CDH7: variants seen among roughly 807,000 people sequenced by gnomAD.
CDH7 encodes cadherin 7, also known as cadherin-7.
In CDH7, 25 loss-of-function variants were observed where a neutral mutation model predicts 71.8. The observed-to-expected ratio is 0.35, with a 90% CI of 0.25 to 0.49. CDH7 has a LOEUF of 0.49. Among genes scored for constraint, CDH7 ranks in the 20% least tolerant of loss-of-function variants. CDH7 has a pLI of 0.99. For missense variants in CDH7, 862 were observed against 974.6 expected (o/e 0.88, Z 1.54); for synonymous variants, 381 against 363.8 (o/e 1.05, Z -0.54).
At chr18:65,826,246 A>C (rs1225873382) in intron 6 of CDH7, among the ~76,000 whole-genome samples, 2 of 151,422 alleles carry the variant, frequency 1.3e-5, no homozygotes, top group Non-Finnish European at 3.0e-5. Flanking sequence ...CTAACTTATA[A>C]CAATAGAAAA....
At chr18:65,823,849 A>C (rs962296408) in intron 5 of CDH7, among the ~76,000 whole-genome samples, 1 of 151,926 alleles carries the variant, frequency 6.6e-6, no homozygotes, top group Non-Finnish European at 1.5e-5. Flanking sequence ...GGCAGGAAAA[A>C]GTAAATAATT....
At chr18:65,806,062 TAATA>T (rs1176348247) in intron 2 of CDH7, among the ~76,000 whole-genome samples, 2 of 152,196 alleles carry the variant, frequency 1.3e-5, no homozygotes, top group African/African-American at 4.8e-5. Context: ...GATGGAACAT[TAATA>T]GATTATTCAG....
rs1476651705 is a variant in CDH7 at position 65,846,747 on chromosome 18, A to G, written c.1235+2682A>G. Among the ~76,000 whole-genome samples the G allele has an allele frequency of 2.0e-5, 3 of 152,108 alleles. No homozygotes were observed. The East Asian group carries it at 5.8e-4, about 29-fold the overall frequency. ...TTTGTGGAATGGCCTCGGAGATGTCACCTTGTCTTCTGTGTTTTTGTATTA... is the reference window on the plus strand; with the variant it reads ...TTTGTGGAATGGCCTCGGAGATGTCGCCTTGTCTTCTGTGTTTTTGTATTA... On this transcript the variant is annotated intron_variant, in intron 7 of 11. Coordinates refer to ENST00000397968, the MANE Select transcript of CDH7 (RefSeq NM_004361.5).
At chr18:65,845,145 T>A (rs912407459) in intron 7 of CDH7, among the ~76,000 whole-genome samples, 4 of 149,404 alleles carry the variant, frequency 2.7e-5, no homozygotes, top group Non-Finnish European at 4.4e-5. Flanking sequence ...TGTACATTTA[T>A]ACACATACAC....
rs1393438988 is a variant in CDH7, at chr18:65,822,184, A to G, written c.729A>G (p.Ser243=). The change falls in exon 5 of 12, where the codon TCA becomes TCG. Residue 243 remains serine, a synonymous_variant. Coordinates refer to ENST00000397968, the MANE Select transcript of CDH7 (RefSeq NM_004361.5). ...KDMVGQNGGL[S]GTTSVTVTLT... is the part of the protein sequence containing the mutation. ...TGGTTGGTCAAAATGGAGGACTGTC[A>G]GGAACTACATCAGTCACTGTGACCC... 2 of 1,613,314 alleles carry G rather than the reference A, an allele frequency of 1.2e-6. No homozygotes were observed. Among genetic ancestry groups the G allele is most frequent in the African/African-American group, 1.3e-5 (1 of 74,918 alleles).
chr18:65,844,553 A>G (rs1568216068), intron 7 of CDH7, among the ~76,000 whole-genome samples: 1 of 152,104 alleles, frequency 6.6e-6, no homozygotes, highest in Non-Finnish European at 1.5e-5. Flanking sequence ...TAAAAAAACT[A>G]GCTACATATA....
chr18:65,879,578 G>C (rs958223124), intron 11 of CDH7, among the ~76,000 whole-genome samples: 2 of 152,120 alleles, frequency 1.3e-5, no homozygotes, highest in Non-Finnish European at 2.9e-5. Context: ...TTCCTTATTT[G>C]TGTATACTAG....
intron 7 of CDH7, among the ~76,000 whole-genome samples, chr18:65,850,755 G>A (rs1913121330): frequency 6.6e-6 from 1 of 151,704 alleles, no homozygotes; most frequent in African/African-American, 2.4e-5. Context: ...AGAGGGGTGA[G>A]GATACAGGCA....
In CDH7 at chr18:65,849,324, T is replaced by G. The variant is rs986838707; in HGVS notation, c.1235+5259T>G. On this transcript the variant is annotated intron_variant, in intron 7 of 11. Coordinates refer to ENST00000397968, the MANE Select transcript of CDH7 (RefSeq NM_004361.5). ...TAAATTTTGCAGGAAATGCCTAATT[T>G]ATTTTAGCCTTTCCTTTTTCTTTTC... is the stretch of plus-strand genomic sequence containing the variant. Among the ~76,000 whole-genome samples, 3 of 143,964 alleles carry G rather than the reference T, an allele frequency of 2.1e-5. No homozygotes were observed. The East Asian group carries it at 6.7e-4, about 32-fold the overall frequency. The allele number at this position is 143,964 out of a possible 152,430, so 94.4% of individuals were successfully genotyped here.
intron 4 of CDH7, among the ~76,000 whole-genome samples, chr18:65,816,218 G>T (rs76476680): frequency 5.9e-5 from 9 of 152,086 alleles, no homozygotes; most frequent in African/African-American, 2.2e-4. Flanking sequence ...TGTAATTATG[G>T]TAATCGCTGG....
chr18:65,872,580 A>C (rs892486483), intron 11 of CDH7, among the ~76,000 whole-genome samples: 1 of 152,112 alleles, frequency 6.6e-6, no homozygotes, highest in Non-Finnish European at 1.5e-5. Context: ...AAGCCAACAA[A>C]ATTCAAGCTC....
chr18:65,823,759 G>A (rs1320786716), intron 5 of CDH7, among the ~76,000 whole-genome samples: 2 of 151,834 alleles, frequency 1.3e-5, no homozygotes, highest in East Asian at 3.9e-4. Context: ...TTCTCAGAGA[G>A]AATCCTTTCT....
intron 1 of CDH7, among the ~76,000 whole-genome samples, chr18:65,758,956 C>T (rs1319656817): frequency 3.3e-5 from 5 of 152,166 alleles, no homozygotes. Flanking sequence ...CTTTTAAAAA[C>T]CCTTGATTAA....
chr18:65,819,806 C>A (rs1911853532), intron 4 of CDH7, among the ~76,000 whole-genome samples: 1 of 151,300 alleles, frequency 6.6e-6, no homozygotes, highest in Admixed American at 6.6e-5. Flanking sequence ...TGAGAACAAT[C>A]CTAAAGGGTT....
In CDH7 at chr18:65,883,868, T is replaced by C. The variant is rs1421359417; in HGVS notation, c.*2974T>C. 2 of 152,166 alleles carry C rather than the reference T, an allele frequency of 1.3e-5. No individual in the cohort carries two copies. The highest frequency in any genetic ancestry group is 4.8e-5 in the African/African-American group (2 of 41,468). The allele number at this position is 152,166 out of a possible 1,614,324, so 9.4% of individuals were successfully genotyped here. A position where few individuals can be genotyped will look rare whatever the true frequency, so the allele number is the denominator to read the frequency against. ...AACAATGTATGTGGTAGTGATTTCC[T>C]GAAGTGAAATCCTTGGAGCTACTTG... is the stretch of plus-strand genomic sequence containing the variant. On this transcript the variant is annotated 3_prime_UTR_variant, in exon 12 of 12. Coordinates refer to ENST00000397968, the MANE Select transcript of CDH7 (RefSeq NM_004361.5).
chr18:65,845,527 G>A (rs965235994), intron 7 of CDH7, among the ~76,000 whole-genome samples: 2 of 152,070 alleles, frequency 1.3e-5, no homozygotes, highest in East Asian at 3.9e-4. Context: ...ATTAATTGGG[G>A]CAAACATGAG....
At chr18:65,855,890 A>T (rs907811499) in intron 7 of CDH7, among the ~76,000 whole-genome samples, 1 of 152,210 alleles carries the variant, frequency 6.6e-6, no homozygotes, top group Non-Finnish European at 1.5e-5. Flanking sequence ...ACCATGATAA[A>T]GTAGGGTTTA....
chr18:65,806,045 A>G (rs1200360347), intron 2 of CDH7, among the ~76,000 whole-genome samples: 1 of 152,222 alleles, frequency 6.6e-6, no homozygotes, highest in East Asian at 1.9e-4. Context: ...TCTATCAAGC[A>G]GGGCCTGATG....
At chr18:65,804,563 T>G (rs1398084054) in intron 2 of CDH7, among the ~76,000 whole-genome samples, 1 of 152,166 alleles carries the variant, frequency 6.6e-6, no homozygotes, top group East Asian at 1.9e-4. Context: ...ATCACCAGAA[T>G]AGCAGTGCAT....
Sources: allele counts gnomAD v4.1 joint callset (sites outside exome capture counted in the v4.1 genomes callset), GRCh38; gene constraint gnomAD v4.1.1; transcripts MANE v1.5; gene names NCBI Gene and HGNC (gene_info 2026-07-23, HGNC 2026-07-21).